Variants in GRM7 observed in about 807,000 individuals in gnomAD.
GRM7 encodes metabotropic glutamate receptor 7.
GRM7 carries 35 observed loss-of-function variants against 84.5 expected under a neutral mutation model. The ratio of observed to expected loss-of-function variants is 0.41; its 90% CI spans 0.32 to 0.55. The LOEUF is 0.55. GRM7 is among the 20% of genes least tolerant of loss of function. The pLI, the probability that GRM7 is intolerant of heterozygous loss-of-function variation, is 0.19. For missense variants in GRM7, 1,003 were observed against 1,194.6 expected, an observed-to-expected ratio of 0.84 and a Z score of 2.36; for synonymous variants, 487 against 455.1, an observed-to-expected ratio of 1.07 and a Z score of -0.89.
At chr3:6,895,500 T>C (rs973722460) in intron 1 of GRM7, among the ~76,000 whole-genome samples, 4 of 152,176 alleles carry the variant, frequency 2.6e-5, no homozygotes, top group African/African-American at 9.6e-5. Context: ...TCAAATTCTC[T>C]TATTATTTTC....
chr3:7,735,163 A>T (rs889105968), intron 9 of GRM7, among the ~76,000 whole-genome samples: 10 of 152,208 alleles, frequency 6.6e-5, no homozygotes, highest in African/African-American at 2.4e-4. Context: ...ATAGGGAAGC[A>T]TTAGTTGGCA....
At chr3:7,681,217 C>T (rs983944973) in intron 9 of GRM7, 7 of 152,144 alleles carry the variant, frequency 4.6e-5, no homozygotes, top group Non-Finnish European at 1.0e-4. Context: ...GTGATACTTC[C>T]TGTTGTTTAA....
intron 8 of GRM7, among the ~76,000 whole-genome samples, chr3:7,624,857 A>G (rs116758640): frequency 0.025 from 3,741 of 152,286 alleles, 185 homozygotes; most frequent in African/African-American, 0.085. Flanking sequence ...TTTGAGCAGG[A>G]AAGGAAAGCA....
intron 7 of GRM7, among the ~76,000 whole-genome samples, chr3:7,474,052 G>C (rs561045706): frequency 3.3e-5 from 5 of 152,288 alleles, no homozygotes; most frequent in African/African-American, 1.2e-4. Flanking sequence ...AGCTTCTACA[G>C]AGTTCTCTGA....
chr3:7,697,781 T>C (rs1701074706), intron 9 of GRM7, among the ~76,000 whole-genome samples: 1 of 152,084 alleles, frequency 6.6e-6, no homozygotes, highest in Admixed American at 6.5e-5. Context: ...TGAAGATGAG[T>C]GTCTGTCTTG....
At chr3:7,013,008 G>A (rs894902365) in intron 1 of GRM7, among the ~76,000 whole-genome samples, 1 of 151,850 alleles carries the variant, frequency 6.6e-6, no homozygotes, top group Non-Finnish European at 1.5e-5. Context: ...CCAATACGCC[G>A]GGATTACAGG....
rs78962662 is a variant in GRM7, at chr3:6,955,820, C to T, written c.519+93913C>T. Among the ~76,000 whole-genome samples, 620 of 143,576 alleles carry T rather than the reference C, an allele frequency of 4.3e-3. 7 individuals are homozygous for T. The highest frequency in any genetic ancestry group is 0.027 in the East Asian group (137 of 5,016). The allele number at this position is 143,576 out of a possible 152,430, so 94.2% of individuals were successfully genotyped here. On this transcript the variant is annotated intron_variant, in intron 1 of 9. Coordinates refer to ENST00000357716, the MANE Select transcript of GRM7 (RefSeq NM_000844.4). ...TCATGCCACTGCACTCCAGATTGGACGACACAGTGAGACTCTATCTCAAAA... is the reference window on the plus strand; with the variant it reads ...TCATGCCACTGCACTCCAGATTGGATGACACAGTGAGACTCTATCTCAAAA...
At chr3:7,377,714 G>A (rs936101458) in intron 4 of GRM7, among the ~76,000 whole-genome samples, 2 of 152,124 alleles carry the variant, frequency 1.3e-5, no homozygotes, top group Non-Finnish European at 2.9e-5. Context: ...AAATCTATTA[G>A]TAAAAGACAC....
intron 4 of GRM7, among the ~76,000 whole-genome samples, chr3:7,357,038 T>C (rs1407375477): frequency 6.7e-6 from 1 of 149,940 alleles, no homozygotes; most frequent in Non-Finnish European, 1.5e-5. Context: ...AATTGTATAA[T>C]ATATATGTTC....
intron 7 of GRM7, among the ~76,000 whole-genome samples, chr3:7,485,840 T>G (rs922979513): frequency 6.6e-5 from 10 of 152,162 alleles, no homozygotes; most frequent in Non-Finnish European, 1.0e-4. Flanking sequence ...CATGGATTAA[T>G]AATTCATGTT....
intron 8 of GRM7, chr3:7,636,561 C>G (rs953099175): frequency 6.0e-6 from 1 of 167,624 alleles, no homozygotes; most frequent in Admixed American, 6.0e-5. Flanking sequence ...CATGCAGGTT[C>G]CTATAAATCT....
At chr3:7,704,711 T>C (rs1334211376) in intron 9 of GRM7, among the ~76,000 whole-genome samples, 8 of 152,130 alleles carry the variant, frequency 5.3e-5, no homozygotes, top group African/African-American at 1.7e-4. Flanking sequence ...CACAAATATA[T>C]GGACTGGCAG....
intron 1 of GRM7, among the ~76,000 whole-genome samples, chr3:6,934,083 C>T (rs1697602427): frequency 6.6e-6 from 1 of 152,156 alleles, no homozygotes; most frequent in Non-Finnish European, 1.5e-5. Flanking sequence ...TTTTTCACAT[C>T]TGCCAGTATA....
chr3:7,459,549 C>T (rs939857863), intron 6 of GRM7, among the ~76,000 whole-genome samples: 8 of 152,006 alleles, frequency 5.3e-5, no homozygotes, highest in South Asian at 2.1e-4. Flanking sequence ...ACAAAAGGCA[C>T]GTCTTTACAT....
intron 5 of GRM7, among the ~76,000 whole-genome samples, chr3:7,449,230 C>T (rs71308549): frequency 0.35 from 52,847 of 151,908 alleles, 10,719 homozygotes; most frequent in Non-Finnish European, 0.48. Context: ...TAACACCATA[C>T]TTATAATAGC....
At chr3:6,896,844 T>C (rs944387179) in intron 1 of GRM7, among the ~76,000 whole-genome samples, 6 of 152,196 alleles carry the variant, frequency 3.9e-5, no homozygotes, top group African/African-American at 1.2e-4. Flanking sequence ...TGAGATTGCA[T>C]TTATTACTTC....
intron 4 of GRM7, among the ~76,000 whole-genome samples, chr3:7,326,977 C>T (rs1473812827): frequency 2.0e-5 from 3 of 152,218 alleles, no homozygotes; most frequent in South Asian, 2.1e-4. Flanking sequence ...TGTTTAATAT[C>T]TGTGTTCCCA....
chr3:7,120,273 T>C (rs1693173709), intron 1 of GRM7, among the ~76,000 whole-genome samples: 1 of 152,054 alleles, frequency 6.6e-6, no homozygotes, highest in Non-Finnish European at 1.5e-5. Flanking sequence ...AGACTAAAGT[T>C]TGTCACATCT....
intron 1 of GRM7, among the ~76,000 whole-genome samples, chr3:7,126,243 T>C (rs140506554): frequency 8.2e-4 from 125 of 152,320 alleles, no homozygotes; most frequent in South Asian, 2.3e-3. Context: ...CAAAATAGGC[T>C]GCTGCTCTGG....
Sources: gnomAD v4.1 joint callset for allele counts (sites outside exome capture counted in the v4.1 genomes callset) on GRCh38, gnomAD v4.1.1 for gene constraint, MANE v1.5 for transcripts, NCBI Gene and HGNC (gene_info 2026-07-23, HGNC 2026-07-21) for gene names.